Variants in CNTNAP2 observed in about 807,000 individuals in gnomAD.
CNTNAP2 encodes contactin associated protein 2, also known as contactin-associated protein-like 2.
In CNTNAP2, 98 loss-of-function variants were observed where a neutral mutation model predicts 155.2. The ratio of observed to expected loss-of-function variants is 0.63; its 90% CI spans 0.54 to 0.75. The LOEUF is 0.75. CNTNAP2 is among the 30% of genes least tolerant of loss of function. The probability of loss-of-function intolerance (pLI) is 0.00; values close to 1 mark genes in which losing one functional copy is unlikely to be tolerated. For missense variants in CNTNAP2, 1,727 were observed against 1,688.1 expected, an observed-to-expected ratio of 1.02 and a Z score of -0.40; for synonymous variants, 651 against 631.2, an observed-to-expected ratio of 1.03 and a Z score of -0.47.
At chr7:147,980,433 T>C (rs1490980375) in intron 15 of CNTNAP2, among the ~76,000 whole-genome samples, 1 of 152,138 alleles carries the variant, frequency 6.6e-6, no homozygotes, top group African/African-American at 2.4e-5. Context: ...TCAGAGAAAC[T>C]CTTTTAAATA....
intron 11 of CNTNAP2, chr7:147,496,570 C>G (rs1254970904): frequency 1.3e-5 from 2 of 152,116 alleles, no homozygotes; most frequent in East Asian, 1.9e-4. Context: ...TTTATATTCT[C>G]TTGTGATTAT....
At chr7:146,948,608 G>A (rs1797241749) in intron 3 of CNTNAP2, among the ~76,000 whole-genome samples, 1 of 152,060 alleles carries the variant, frequency 6.6e-6, no homozygotes, top group African/African-American at 2.4e-5. Context: ...CAGTATATAA[G>A]TGCTTTATAA....
intron 11 of CNTNAP2, among the ~76,000 whole-genome samples, chr7:147,525,527 T>C (rs537303422): frequency 6.6e-6 from 1 of 152,176 alleles, no homozygotes. Context: ...TAAAAATGGT[T>C]GGGCGTGTCC....
At chr7:146,417,896 T>A (rs1421782363) in intron 1 of CNTNAP2, among the ~76,000 whole-genome samples, 1 of 151,784 alleles carries the variant, frequency 6.6e-6, no homozygotes, top group Non-Finnish European at 1.5e-5. Context: ...ATGTTGAGTG[T>A]GTATGAGGCA....
At chr7:146,601,261 C>G (rs183104063) in intron 1 of CNTNAP2, among the ~76,000 whole-genome samples, 1 of 151,990 alleles carries the variant, frequency 6.6e-6, no homozygotes, top group Non-Finnish European at 1.5e-5. Context: ...AAATTGCTAT[C>G]TCATGTGGCA....
chr7:146,163,819 C>A (rs1798270632), intron 1 of CNTNAP2, among the ~76,000 whole-genome samples: 1 of 151,944 alleles, frequency 6.6e-6, no homozygotes, highest in Non-Finnish European at 1.5e-5. Context: ...TCAAGATTTA[C>A]ACAAGATTGT....
chr7:146,656,060 A>T (rs1438839479), intron 1 of CNTNAP2, among the ~76,000 whole-genome samples: 1 of 152,250 alleles, frequency 6.6e-6, no homozygotes, highest in Non-Finnish European at 1.5e-5. Flanking sequence ...CAGTGTTCAA[A>T]AATTTGTAAT....
intron 1 of CNTNAP2, among the ~76,000 whole-genome samples, chr7:146,317,863 C>T (rs918254479): frequency 7.2e-5 from 11 of 152,238 alleles, no homozygotes; most frequent in Admixed American, 2.6e-4. Flanking sequence ...TGAAATTGGC[C>T]GGGCATGGCG....
chr7:146,568,833 G>A (rs1368492947), intron 1 of CNTNAP2, among the ~76,000 whole-genome samples: 3 of 152,040 alleles, frequency 2.0e-5, no homozygotes, highest in Admixed American at 2.0e-4. Context: ...CCAGCTGTAT[G>A]ACAATAGCAA....
intron 15 of CNTNAP2, among the ~76,000 whole-genome samples, chr7:148,051,238 A>G (rs1460444840): frequency 6.6e-6 from 1 of 152,178 alleles, no homozygotes; most frequent in Non-Finnish European, 1.5e-5. Context: ...CTTGGGCCAA[A>G]TATCATTTTT....
At chr7:147,636,049 A>C (rs1325917799) in intron 12 of CNTNAP2, among the ~76,000 whole-genome samples, 1 of 152,254 alleles carries the variant, frequency 6.6e-6, no homozygotes, top group Non-Finnish European at 1.5e-5. Flanking sequence ...CACAAATGAC[A>C]AACAGTTTAT....
chr7:147,224,800 A>G (rs1418395878), intron 8 of CNTNAP2, among the ~76,000 whole-genome samples: 1 of 152,188 alleles, frequency 6.6e-6, no homozygotes, highest in Non-Finnish European at 1.5e-5. Flanking sequence ...ATACACACAC[A>G]TAAACACACA....
At chr7:146,776,868 C>T (rs888831630) in intron 2 of CNTNAP2, among the ~76,000 whole-genome samples, 6 of 152,068 alleles carry the variant, frequency 3.9e-5, no homozygotes, top group Admixed American at 1.3e-4. Flanking sequence ...TGATATTAAG[C>T]TTCCAAAGTG....
At chr7:147,007,082 C>T (rs12672382) in intron 3 of CNTNAP2, among the ~76,000 whole-genome samples, 57,272 of 151,826 alleles carry the variant, frequency 0.38, 11,007 homozygotes, top group East Asian at 0.45. Context: ...GTACATATGT[C>T]GCATGTTTCA....
In CNTNAP2 at chr7:147,094,689, A is replaced by T. The variant is rs1032841939; in HGVS notation, c.551-13458A>T. Reference sequence around the variant, plus strand: ...CGAAAGTGCTGGGATTATTATTATTATTTTTTTAAAGCATGAACTTTGTAA... The same window carrying T: ...CGAAAGTGCTGGGATTATTATTATTTTTTTTTTAAAGCATGAACTTTGTAA... On this transcript the variant is annotated intron_variant, in intron 4 of 23. Transcript: ENST00000361727. Among the ~76,000 whole-genome samples, 108 of 151,584 alleles carry T rather than the reference A, an allele frequency of 7.1e-4. 1 individual carries two copies. The highest frequency in any genetic ancestry group is 1.2e-3 in the East Asian group (6 of 5,138).
intron 5 of CNTNAP2, among the ~76,000 whole-genome samples, chr7:147,118,255 C>T (rs918103431): frequency 5.3e-5 from 8 of 152,020 alleles, no homozygotes; most frequent in African/African-American, 1.7e-4. Flanking sequence ...AGTATGTCTT[C>T]GGACACTTGA....
intron 4 of CNTNAP2, among the ~76,000 whole-genome samples, chr7:147,065,061 G>C (rs937227704): frequency 1.3e-5 from 2 of 152,096 alleles, no homozygotes; most frequent in Non-Finnish European, 2.9e-5. Context: ...GTTTAGATGA[G>C]ATTGTTTTAA....
At chr7:147,680,438 A>G (rs1795930408) in intron 13 of CNTNAP2, among the ~76,000 whole-genome samples, 2 of 151,952 alleles carry the variant, frequency 1.3e-5, no homozygotes, top group South Asian at 2.1e-4. Flanking sequence ...TAAAATATTC[A>G]GCCAACAATA....
intron 12 of CNTNAP2, among the ~76,000 whole-genome samples, chr7:147,597,978 G>A (rs1052034928): frequency 1.3e-5 from 2 of 152,134 alleles, no homozygotes; most frequent in African/African-American, 4.8e-5. Context: ...AATAGGTCAG[G>A]CAAACACTGG....
Sources: allele counts gnomAD v4.1 joint callset (sites outside exome capture counted in the v4.1 genomes callset), GRCh38; gene constraint gnomAD v4.1.1; transcripts MANE v1.5; gene names NCBI Gene and HGNC (gene_info 2026-07-23, HGNC 2026-07-21).